Variants in SSTR4 observed in about 807,000 individuals in gnomAD.
SSTR4 encodes somatostatin receptor type 4.
For missense variants in SSTR4, 649 were observed against 540.6 expected, an observed-to-expected ratio of 1.20 and a Z score of -1.99; for synonymous variants, 272 against 246.3, an observed-to-expected ratio of 1.10 and a Z score of -0.98.
rs989704410 is a variant in SSTR4, at chr20:23,039,166, G to C, written c.*2516G>C. 6.6e-6 allele frequency: 1 copy of C among 152,266 alleles called. No homozygotes were observed. The highest frequency in any genetic ancestry group is 2.4e-5 in the African/African-American group (1 of 41,470). The allele number at this position is 152,266 out of a possible 1,614,324, so 9.4% of individuals were successfully genotyped here. A position where few individuals can be genotyped will look rare whatever the true frequency, so the allele number is the denominator to read the frequency against. ...GGAGGCTTGCTTCGATGGTCATCTT[G>C]TTCTGCCTGCTAAGACCAGGAGTCA... On this transcript the variant is annotated 3_prime_UTR_variant, in exon 1 of 1. Coordinates refer to ENST00000255008, the MANE Select transcript of SSTR4 (RefSeq NM_001052.4).
Position 23,035,665 on chromosome 20 carries a change from G to A in SSTR4, c.182G>A (p.Gly61Glu), listed in dbSNP as rs1163428857. The change falls in exon 1 of 1, where the codon GGG becomes GAG. Residue 61 changes from glycine (G) to glutamate (E), a missense_variant. By Grantham distance (98) the Gly-to-Glu change is moderately conservative. Transcript: ENST00000255008. ...ATCTACGCGCTGGTGTGCCTGGTGG[G>A]GCTGGTGGGCAACGCCCTGGTCATC... is the stretch of plus-strand genomic sequence containing the variant. ...QCIYALVCLV[G>E]LVGNALVIFV... 5 of 1,542,082 alleles carry A rather than the reference G, an allele frequency of 3.2e-6. No homozygotes were observed. The highest frequency in any genetic ancestry group is 4.4e-6 in the Non-Finnish European group (5 of 1,144,956).
Position 23,036,517 on chromosome 20 carries a change from A to G in SSTR4, c.1034A>G (p.Asp345Gly). The G allele has an allele frequency of 6.2e-7, 1 of 1,613,680 alleles. No individual in the cohort carries two copies. The highest frequency in any genetic ancestry group is 1.1e-5 in the South Asian group (1 of 91,040). ...GAGGAEEEPL[D>G]YYATALKSKG... ...GGAGGTGCTGAGGAGGAGCCCCTGGACTACTATGCCACTGCTCTCAAGAGC... is the reference window on the plus strand; with the variant it reads ...GGAGGTGCTGAGGAGGAGCCCCTGGGCTACTATGCCACTGCTCTCAAGAGC... The change falls in exon 1 of 1, where the codon GAC (aspartate) becomes GGC (glycine). Residue 345 changes from aspartate (D) to glycine (G), a missense_variant. By Grantham distance (94) the Asp-to-Gly change is moderately conservative. Transcript: ENST00000255008.
chr20:23,036,120 G>A lies in SSTR4; in HGVS notation c.637G>A (p.Val213Ile), dbSNP rs199790941. ...PHPAWSAVFVVYTFLLGFLLP... is the reference protein window; with the variant it reads ...PHPAWSAVFVIYTFLLGFLLP... ...CCCGGCCTGGTCGGCAGTCTTCGTG[G>A]TCTACACTTTCCTGCTGGGCTTCCT... Residue 213 changes from valine to isoleucine, a missense_variant, in exon 1 of 1, where the codon GTC (valine) becomes ATC (isoleucine). By Grantham distance (29) the Val-to-Ile change is conservative. Transcript: ENST00000255008. 6.2e-7 allele frequency: 1 copy of A among 1,604,388 alleles called. No homozygotes were observed. The highest frequency in any genetic ancestry group is 2.2e-5 in the East Asian group (1 of 44,836).
chr20:23,036,715 C>A lies in SSTR4; in HGVS notation c.*65C>A. ...AGGGGTGGGCACCATTCCTACAGCC[C>A]CGAAGACTGCATCTCCTGAATGCTC... On this transcript the variant is annotated 3_prime_UTR_variant, in exon 1 of 1. Coordinates refer to ENST00000255008, the MANE Select transcript of SSTR4 (RefSeq NM_001052.4). 6.7e-7 allele frequency: 1 copy of A among 1,489,164 alleles called. No homozygotes were observed. The highest frequency in any genetic ancestry group is 9.0e-7 in the Non-Finnish European group (1 of 1,110,212). The allele number at this position is 1,489,164 out of a possible 1,614,324, so 92.2% of individuals were successfully genotyped here.
At position 23,036,002 on chromosome 20, in the gene SSTR4, A is replaced by G. The variant is rs764442132; in HGVS notation, c.519A>G (p.Ala173=). 1.3e-6 allele frequency: 2 copies of G among 1,597,824 alleles called. No homozygotes were observed. Among genetic ancestry groups the G allele is most frequent in the Admixed American group, 1.7e-5 (1 of 58,970 alleles). ...TCATCAACCTGGGCGTGTGGCTGGCATCCCTGTTGGTCACTCTCCCCATCG... is the reference window on the plus strand; with the variant it reads ...TCATCAACCTGGGCGTGTGGCTGGCGTCCCTGTTGGTCACTCTCCCCATCG... ...AKLINLGVWL[A]SLLVTLPIAI... Residue 173 remains alanine (A), a synonymous_variant, in exon 1 of 1, where the codon GCA becomes GCG. Transcript: ENST00000255008.
Position 23,036,799 on chromosome 20 carries a change from A to AAGAGTTCTGAC in SSTR4, c.*150_*151insGAGTTCTGACA. The stretch of plus-strand genomic sequence containing the variant: ...CCATGTACCTGCCGGAGAGTGTCAG[A>AAGAGTTCTGAC]ACTCTTCTGCTGCTCTCCTCTCCCC... On this transcript the variant is annotated 3_prime_UTR_variant, in exon 1 of 1. Transcript: ENST00000255008. 2.3e-6 allele frequency: 2 copies of AAGAGTTCTGAC among 885,888 alleles called. No homozygotes were observed. Among genetic ancestry groups the AAGAGTTCTGAC allele is most frequent in the Non-Finnish European group, 3.4e-6 (2 of 593,764 alleles). 54.9% of individuals were successfully genotyped at this position (885,888 alleles called of 1,614,324 possible). A position where few individuals can be genotyped will look rare whatever the true frequency, so the allele number is the denominator to read the frequency against.
In SSTR4 at chr20:23,036,090, C is replaced by G; in HGVS notation, c.607C>G (p.Pro203Ala). 5.6e-6 allele frequency: 9 copies of G among 1,599,206 alleles called. No homozygotes were observed. The highest frequency in any genetic ancestry group is 7.6e-6 in the Non-Finnish European group (9 of 1,178,664). The stretch of plus-strand genomic sequence containing the variant: ...GGCCGTGGCCTGCAACCTGCAGTGG[C>G]CACACCCGGCCTGGTCGGCAGTCTT... The part of the protein sequence containing the change: ...GQAVACNLQW[P>A]HPAWSAVFVV... Residue 203 changes from proline (P) to alanine (A), a missense_variant, in exon 1 of 1, where the codon CCA becomes GCA. Pro to Ala is a conservative substitution (Grantham distance 27). Transcript: ENST00000255008.
At position 23,036,003 on chromosome 20, in the gene SSTR4, T is replaced by C. The variant is rs751346578; in HGVS notation, c.520T>C (p.Ser174Pro). ...KLINLGVWLA[S>P]LLVTLPIAIF... ...CATCAACCTGGGCGTGTGGCTGGCA[T>C]CCCTGTTGGTCACTCTCCCCATCGC... Residue 174 changes from serine (S) to proline (P), a missense_variant, in exon 1 of 1, where the codon TCC becomes CCC. By Grantham distance (74) the Ser-to-Pro change is moderately conservative. Transcript: ENST00000255008. 6 of 1,596,134 alleles carry C rather than the reference T, an allele frequency of 3.8e-6. No individual in the cohort carries two copies. Among genetic ancestry groups the C allele is most frequent in the Non-Finnish European group, 3.4e-6 (4 of 1,175,524 alleles).
Position 23,036,343 on chromosome 20 carries a change from G to C in SSTR4, c.860G>C (p.Ser287Thr), listed in dbSNP as rs546297026. The part of the protein sequence containing the change: ...VVQLLNLFVT[S>T]LDATVNHVSL... Reference sequence around the variant, plus strand: ...CAGCTGCTGAACCTCTTCGTGACCAGCCTTGATGCCACCGTCAACCACGTG... The same window carrying C: ...CAGCTGCTGAACCTCTTCGTGACCACCCTTGATGCCACCGTCAACCACGTG... The change falls in exon 1 of 1, where the codon AGC (serine) becomes ACC (threonine). Residue 287 changes from serine (S) to threonine (T), a missense_variant. Ser to Thr is a moderately conservative substitution (Grantham distance 58, BLOSUM62 1). Coordinates refer to ENST00000255008, the MANE Select transcript of SSTR4 (RefSeq NM_001052.4). 4 of 1,614,010 alleles carry C rather than the reference G, an allele frequency of 2.5e-6. No individual in the cohort carries two copies. The South Asian group carries it at 3.3e-5, about 13-fold the overall frequency.
chr20:23,035,567 T>C lies in SSTR4; in HGVS notation c.84T>C (p.Ala28=). Residue 28 remains alanine, a synonymous_variant, in exon 1 of 1, where the codon GCT becomes GCC. Coordinates refer to ENST00000255008, the MANE Select transcript of SSTR4 (RefSeq NM_001052.4). ...CCTCTGCAGCCAATGCCAGTAGCGC[T>C]CCGGCGGAGGCGGAGGAGGCGGTGG... ...AWPSAANASS[A]PAEAEEAVAG... 1 of 1,587,742 alleles carries C rather than the reference T, an allele frequency of 6.3e-7. No homozygotes were observed. Among genetic ancestry groups the C allele is most frequent in the South Asian group, 1.1e-5 (1 of 88,332 alleles).
chr20:23,035,599 C>T lies in SSTR4; in HGVS notation c.116C>T (p.Pro39Leu), dbSNP rs1215648167. The change falls in exon 1 of 1, where the codon CCC (proline) becomes CTC (leucine). Residue 39 changes from proline to leucine, a missense_variant. Coordinates refer to ENST00000255008, the MANE Select transcript of SSTR4 (RefSeq NM_001052.4). Reference sequence around the variant, plus strand: ...GAGGCGGAGGAGGCGGTGGCGGGGCCCGGGGACGCGCGGGCGGCGGGCATG... The same window carrying T: ...GAGGCGGAGGAGGCGGTGGCGGGGCTCGGGGACGCGCGGGCGGCGGGCATG... ...PAEAEEAVAGPGDARAAGMVA... is the reference protein window; with the variant it reads ...PAEAEEAVAGLGDARAAGMVA... 6 of 1,556,840 alleles carry T rather than the reference C, an allele frequency of 3.9e-6. No individual in the cohort carries two copies. The highest frequency in any genetic ancestry group is 2.0e-5 in the Admixed American group (1 of 50,572).
chr20:23,035,527 T>G lies in SSTR4; in HGVS notation c.44T>G (p.Leu15Arg). The change falls in exon 1 of 1, where the codon CTG becomes CGG. Residue 15 changes from leucine (L) to arginine (R), a missense_variant. Transcript: ENST00000255008. ...CTGCCCCCCGGGGGCGAGGAAGGGC[T>G]GGGGACGGCCTGGCCCTCTGCAGCC... The part of the protein sequence containing the change: ...STLPPGGEEG[L>R]GTAWPSAANA... 6.9e-6 allele frequency: 11 copies of G among 1,584,744 alleles called. No homozygotes were observed. The highest frequency in any genetic ancestry group is 9.4e-6 in the Non-Finnish European group (11 of 1,169,476).
At position 23,035,762 on chromosome 20, in the gene SSTR4, C is replaced by G. The variant is rs768983884; in HGVS notation, c.279C>G (p.Asp93Glu). 1 of 1,592,278 alleles carries G rather than the reference C, an allele frequency of 6.3e-7. No homozygotes were observed. The highest frequency in any genetic ancestry group is 8.6e-7 in the Non-Finnish European group (1 of 1,169,186). ...ACCTGCTCAACCTGGCCGTAGCCGA[C>G]GAGCTCTTCATGCTGAGCGTGCCCT... ...NIYLLNLAVADELFMLSVPFV... is the reference protein window; with the variant it reads ...NIYLLNLAVAEELFMLSVPFV... Residue 93 changes from aspartate (D) to glutamate (E), a missense_variant, in exon 1 of 1, where the codon GAC becomes GAG. By Grantham distance (45) the Asp-to-Glu change is conservative. Coordinates refer to ENST00000255008, the MANE Select transcript of SSTR4 (RefSeq NM_001052.4).
Position 23,035,831 on chromosome 20 carries a change from C to A in SSTR4, c.348C>A (p.Ser116=), listed in dbSNP as rs1035258735. 1 of 1,593,772 alleles carries A rather than the reference C, an allele frequency of 6.3e-7. No homozygotes were observed. Among genetic ancestry groups the A allele is most frequent in the Non-Finnish European group, 8.5e-7 (1 of 1,170,258 alleles). Residue 116 remains serine, a synonymous_variant, in exon 1 of 1, where the codon TCC becomes TCA. Transcript: ENST00000255008. ...SAALRHWPFG[S]VLCRAVLSVD... is the part of the protein sequence containing the mutation. ...CCCTGCGCCACTGGCCCTTCGGCTCCGTGCTGTGCCGCGCGGTGCTCAGCG... is the reference window on the plus strand; with the variant it reads ...CCCTGCGCCACTGGCCCTTCGGCTCAGTGCTGTGCCGCGCGGTGCTCAGCG...
rs35861677 is a variant in SSTR4, at chr20:23,037,289, AGACAT to A, written c.*646_*650del. The A allele has an allele frequency of 0.088, 13,377 of 152,286 alleles. 672 individuals are homozygous for A. The highest frequency in any genetic ancestry group is 0.27 in the East Asian group (1,393 of 5,138). The allele number at this position is 152,286 out of a possible 1,614,324, so 9.4% of individuals were successfully genotyped here. ...TCCTGTGAGTAGAAAAGGTTTGGAG[AGACAT>A]GACATGGGGTTTATTGCAAGGCATA... is the stretch of plus-strand genomic sequence containing the variant. On this transcript the variant is annotated 3_prime_UTR_variant, in exon 1 of 1. Transcript: ENST00000255008.
In SSTR4 at chr20:23,036,832, T is replaced by C. The variant is rs1181711663; in HGVS notation, c.*182T>C. ...TGCTGCTCTCCTCTCCCCTGCACTC[T>C]GGCTTTCAAAAGGATGCTTCCATAT... On this transcript the variant is annotated 3_prime_UTR_variant, in exon 1 of 1. Transcript: ENST00000255008. The C allele has an allele frequency of 9.3e-6, 6 of 643,544 alleles. No individual in the cohort carries two copies. Among genetic ancestry groups the C allele is most frequent in the Non-Finnish European group, 1.5e-5 (6 of 397,854 alleles). 39.9% of individuals were successfully genotyped at this position (643,544 alleles called of 1,614,324 possible). A position where few individuals can be genotyped will look rare whatever the true frequency, so the allele number is the denominator to read the frequency against.
Position 23,036,644 on chromosome 20 carries a change from C to T in SSTR4, c.1161C>T (p.Thr387=), listed in dbSNP as rs909062235. ...RKRIPLTRTT[T]F is the part of the protein sequence containing the mutation. ...GCATCCCCCTCACCAGGACCACCAC[C>T]TTCTGAGGAGCCCTTCCCCTACCCA... Residue 387 remains threonine, a synonymous_variant, in exon 1 of 1, where the codon ACC becomes ACT. Transcript: ENST00000255008. 4 of 1,541,096 alleles carry T rather than the reference C, an allele frequency of 2.6e-6. No individual in the cohort carries two copies. Among genetic ancestry groups the T allele is most frequent in the African/African-American group, 2.7e-5 (2 of 72,894 alleles).
chr20:23,036,390 A>G lies in SSTR4; in HGVS notation c.907A>G (p.Asn303Asp). The change falls in exon 1 of 1, where the codon AAC (asparagine) becomes GAC (aspartate). Residue 303 changes from asparagine to aspartate, a missense_variant. By Grantham distance (23) the Asn-to-Asp change is conservative. Transcript: ENST00000255008. ...NHVSLILSYA[N>D]SCANPILYGF... Reference sequence around the variant, plus strand: ...CGTGTCCCTTATCCTTAGCTATGCCAACAGCTGCGCCAACCCCATTCTCTA... The same window carrying G: ...CGTGTCCCTTATCCTTAGCTATGCCGACAGCTGCGCCAACCCCATTCTCTA... 2 of 1,614,096 alleles carry G rather than the reference A, an allele frequency of 1.2e-6. No homozygotes were observed. Among genetic ancestry groups the G allele is most frequent in the South Asian group, 1.1e-5 (1 of 91,076 alleles).
Position 23,036,369 on chromosome 20 carries a change from T to C in SSTR4, c.886T>C (p.Ser296Pro). 1 of 1,614,084 alleles carries C rather than the reference T, an allele frequency of 6.2e-7. No individual in the cohort carries two copies. Among genetic ancestry groups the C allele is most frequent in the Non-Finnish European group, 8.5e-7 (1 of 1,179,992 alleles). ...CCTTGATGCCACCGTCAACCACGTGTCCCTTATCCTTAGCTATGCCAACAG... is the reference window on the plus strand; with the variant it reads ...CCTTGATGCCACCGTCAACCACGTGCCCCTTATCCTTAGCTATGCCAACAG... ...TSLDATVNHV[S>P]LILSYANSCA... is the part of the protein sequence containing the mutation. Residue 296 changes from serine (S) to proline (P), a missense_variant, in exon 1 of 1, where the codon TCC becomes CCC. Coordinates refer to ENST00000255008, the MANE Select transcript of SSTR4 (RefSeq NM_001052.4).
Sources: allele counts gnomAD v4.1 joint callset, GRCh38; gene constraint gnomAD v4.1.1; transcripts MANE v1.5; gene names NCBI Gene and HGNC (gene_info 2026-07-23, HGNC 2026-07-21).